Variants in SHB observed in about 807,000 individuals in gnomAD.
The protein encoded by SHB is SH2 domain-containing adapter protein B.
Under a neutral mutation model 52.3 loss-of-function variants are expected in SHB, and 20 were observed. That is an observed-to-expected ratio of 0.38 (90% CI 0.27 to 0.56). The LOEUF is 0.56. Ranked by LOEUF, SHB falls within the 20% of genes least tolerant of loss-of-function variation. The probability of loss-of-function intolerance (pLI) is 0.71; values close to 1 mark genes in which losing one functional copy is unlikely to be tolerated. For synonymous variants in SHB, 397 were observed against 316.5 expected, an observed-to-expected ratio of 1.25 and a Z score of -2.70; for missense variants, 825 against 723.3, an observed-to-expected ratio of 1.14 and a Z score of -1.61.
At position 37,984,282 on chromosome 9, in the gene SHB, T is replaced by C. The variant is rs534398016; in HGVS notation, c.839-9445A>G. On this transcript the variant is annotated intron_variant, in intron 2 of 5. Transcript: ENST00000377707. ...GAAGCCTCACAGGCCAAAAATGCACTGGGAACGGGAGGGTCCCAATACCAA... is the reference window on the plus strand; with the variant it reads ...GAAGCCTCACAGGCCAAAAATGCACCGGGAACGGGAGGGTCCCAATACCAA... Among the ~76,000 whole-genome samples the C allele has an allele frequency of 7.0e-4, 107 of 152,270 alleles. 2 individuals are homozygous for C. The highest frequency in any genetic ancestry group is 5.0e-3 in the Admixed American group (77 of 15,294).
At chr9:37,977,909 T>C (rs1036859301) in intron 2 of SHB, among the ~76,000 whole-genome samples, 1 of 152,198 alleles carries the variant, frequency 6.6e-6, no homozygotes, top group African/African-American at 2.4e-5. Context: ...CAATTCACCA[T>C]TTAATCTAAA....
At chr9:37,971,879 TGA>T (rs1265544206) in intron 3 of SHB, among the ~76,000 whole-genome samples, 12 of 152,214 alleles carry the variant, frequency 7.9e-5, no homozygotes, top group Admixed American at 7.8e-4. Context: ...AGTTCTGGCC[TGA>T]GAGTTTTCTT....
At chr9:38,062,946 T>A (rs1821913508) in intron 1 of SHB, among the ~76,000 whole-genome samples, 2 of 152,146 alleles carry the variant, frequency 1.3e-5, no homozygotes, top group African/African-American at 4.8e-5. Flanking sequence ...ACGGGCGGTT[T>A]TGGGGTGATT....
intron 4 of SHB, among the ~76,000 whole-genome samples, chr9:37,955,615 C>G (rs913849691): frequency 8.6e-5 from 13 of 152,008 alleles, no homozygotes; most frequent in African/African-American, 3.1e-4. Context: ...GTAGCTGGAA[C>G]TACAGGTGCA....
intron 2 of SHB, among the ~76,000 whole-genome samples, chr9:37,997,580 T>G (rs1373360559): frequency 1.3e-5 from 2 of 152,184 alleles, no homozygotes; most frequent in East Asian, 3.8e-4. Context: ...CTCATTTATG[T>G]CAATCTCTGG....
At chr9:38,048,040 C>T (rs1821681481) in intron 1 of SHB, among the ~76,000 whole-genome samples, 1 of 152,214 alleles carries the variant, frequency 6.6e-6, no homozygotes, top group South Asian at 2.1e-4. Context: ...TGAAGTTCAA[C>T]AACTCATTCA....
At position 38,068,272 on chromosome 9, in the gene SHB, T is replaced by A; in HGVS notation, c.374A>T (p.Gln125Leu). The A allele has an allele frequency of 6.8e-7, 1 of 1,464,490 alleles. No homozygotes were observed. The highest frequency in any genetic ancestry group is 9.0e-7 in the Non-Finnish European group (1 of 1,115,718). 90.7% of individuals were successfully genotyped at this position (1,464,490 alleles called of 1,614,324 possible). A position where few individuals can be genotyped will look rare whatever the true frequency, so the allele number is the denominator to read the frequency against. Residue 125 changes from glutamine to leucine, a missense_variant, in exon 1 of 6, where the codon CAG becomes CTG. Physicochemically the swap from Gln to Leu is moderately radical, Grantham distance 113. Transcript: ENST00000377707. ...CGGSGEPGGVQRAFSASSASG... is the reference protein window; with the variant it reads ...CGGSGEPGGVLRAFSASSASG... Reference sequence around the variant, plus strand: ...CGCGGACGAGGCCGAGAAGGCGCGCTGGACCCCGCCTGGCTCCCCGCTGCC... The same window carrying A: ...CGCGGACGAGGCCGAGAAGGCGCGCAGGACCCCGCCTGGCTCCCCGCTGCC...
intron 5 of SHB, among the ~76,000 whole-genome samples, chr9:37,925,423 C>T (rs1330248169): frequency 3.9e-5 from 6 of 152,214 alleles, no homozygotes; most frequent in African/African-American, 7.2e-5. Flanking sequence ...CACAGGCACA[C>T]GCTTTTCAAA....
chr9:37,938,860 A>G (rs1023375369), intron 5 of SHB, among the ~76,000 whole-genome samples: 6 of 152,156 alleles, frequency 3.9e-5, no homozygotes, highest in African/African-American at 1.4e-4. Context: ...GCAGAATGAG[A>G]GCAGGCACCT....
chr9:37,980,821 G>A lies in SHB; in HGVS notation c.839-5984C>T, dbSNP rs145978422. 4.0e-3 allele frequency among the ~76,000 whole-genome samples: 608 copies of A among 152,298 alleles called. 1 individual carries two copies. The highest frequency in any genetic ancestry group is 6.6e-3 in the Non-Finnish European group (449 of 68,016). On this transcript the variant is annotated intron_variant, in intron 2 of 5. Transcript: ENST00000377707. ...GCATGAAAACAACATTCATCTCCTC[G>A]TACATCCCCAGCTGAGCTCTTGGGT...
intron 1 of SHB, among the ~76,000 whole-genome samples, chr9:38,062,275 C>T (rs964626401): frequency 1.3e-5 from 2 of 152,190 alleles, no homozygotes; most frequent in African/African-American, 4.8e-5. Flanking sequence ...TTAGGCAAGT[C>T]ATCAACCTCT....
intron 2 of SHB, among the ~76,000 whole-genome samples, chr9:38,007,014 A>G (rs1821083230): frequency 6.6e-6 from 1 of 152,234 alleles, no homozygotes; most frequent in African/African-American, 2.4e-5. Flanking sequence ...GTTTCGGGGA[A>G]TCATGGGTAG....
intron 2 of SHB, among the ~76,000 whole-genome samples, chr9:38,009,143 G>A (rs1383763970): frequency 1.3e-5 from 2 of 152,204 alleles, no homozygotes; most frequent in South Asian, 2.1e-4. Flanking sequence ...AGCATTTGCC[G>A]GTCTCCGGGA....
At chr9:37,953,164 A>AG (rs1832586420) in intron 4 of SHB, among the ~76,000 whole-genome samples, 1 of 152,026 alleles carries the variant, frequency 6.6e-6, no homozygotes, top group South Asian at 2.1e-4. Context: ...CGGAGGACAG[A>AG]GGGGGTCGTC....
intron 1 of SHB, among the ~76,000 whole-genome samples, chr9:38,046,339 G>A (rs780619483): frequency 1.3e-5 from 2 of 152,200 alleles, no homozygotes; most frequent in Non-Finnish European, 2.9e-5. Flanking sequence ...AAACCGTGTT[G>A]CTGCAAAGCC....
At chr9:37,942,368 G>T (rs1380977912) in intron 5 of SHB, among the ~76,000 whole-genome samples, 2 of 152,214 alleles carry the variant, frequency 1.3e-5, no homozygotes, top group Non-Finnish European at 2.9e-5. Flanking sequence ...TGAGAGGAAA[G>T]TGGTCTAGTC....
chr9:37,970,658 C>T (rs1267227327), intron 3 of SHB, among the ~76,000 whole-genome samples: 6 of 152,188 alleles, frequency 3.9e-5, no homozygotes, highest in Non-Finnish European at 7.3e-5. Flanking sequence ...GGAATGAAGC[C>T]TGGATGCATA....
chr9:37,950,042 T>TC (rs1040391434), intron 4 of SHB, among the ~76,000 whole-genome samples: 5 of 152,000 alleles, frequency 3.3e-5, no homozygotes, highest in Non-Finnish European at 7.4e-5. Context: ...GCTCAAGCAA[T>TC]CCCCCCAACC....
rs370848932 is a variant in SHB, at chr9:38,050,634, C to T, written c.717+17295G>A. ...AAGGTGGTCGTCAGAAATGTCCAAG[C>T]ATAAAATGACTCTCAAAATGAATGA... On this transcript the variant is annotated intron_variant, in intron 1 of 5. Transcript: ENST00000377707. Among the ~76,000 whole-genome samples, 12 of 152,126 alleles carry T rather than the reference C, an allele frequency of 7.9e-5. No individual in the cohort carries two copies. In the East Asian group the frequency reaches 2.1e-3, roughly 27 times the overall value.
Sources: allele counts gnomAD v4.1 joint callset (sites outside exome capture counted in the v4.1 genomes callset), GRCh38; gene constraint gnomAD v4.1.1; transcripts MANE v1.5; gene names NCBI Gene and HGNC (gene_info 2026-07-23, HGNC 2026-07-21).